Variants in MROH7 observed in about 807,000 individuals in gnomAD.
MROH7 encodes maestro heat like repeat family member 7, also known as maestro heat-like repeat-containing protein family member 7.
Under a neutral mutation model 129.2 loss-of-function variants are expected in MROH7, and 113 were observed. The observed-to-expected ratio is 0.87, with a 90% confidence interval of 0.75 to 1.02. The LOEUF (loss-of-function observed/expected upper bound fraction) is 1.02, where lower values mean the gene tolerates loss of function less well. MROH7 is among the 50% of genes least tolerant of loss of function. The probability of loss-of-function intolerance (pLI) is 0.00; values close to 1 mark genes in which losing one functional copy is unlikely to be tolerated. For missense variants in MROH7, 1,601 were observed against 1,671.3 expected, an observed-to-expected ratio of 0.96 and a Z score of 0.73; for synonymous variants, 655 against 667.9, an observed-to-expected ratio of 0.98 and a Z score of 0.30.
At chr1:54,695,086 C>G (rs1376450201) in intron 16 of MROH7, among the ~76,000 whole-genome samples, 1 of 152,224 alleles carries the variant, frequency 6.6e-6, no homozygotes, top group African/African-American at 2.4e-5. Context: ...CTCTCTGCTG[C>G]CTGACGTGGT....
At chr1:54,694,001 C>A (rs1645280948) in intron 16 of MROH7, among the ~76,000 whole-genome samples, 1 of 152,194 alleles carries the variant, frequency 6.6e-6, no homozygotes, top group African/African-American at 2.4e-5. Flanking sequence ...CCTGCCTCAG[C>A]CTCCAGAGTA....
chr1:54,690,702 C>G (rs1370309323), intron 15 of MROH7, among the ~76,000 whole-genome samples: 2 of 152,200 alleles, frequency 1.3e-5, no homozygotes, highest in Non-Finnish European at 2.9e-5. Flanking sequence ...CTCGGCCACC[C>G]AAAGTGCTGG....
chr1:54,662,838 T>C (rs1644752433), intron 3 of MROH7, among the ~76,000 whole-genome samples: 1 of 152,216 alleles, frequency 6.6e-6, no homozygotes, highest in Non-Finnish European at 1.5e-5. Flanking sequence ...GTCCTCAGCC[T>C]TTCTTTGACT....
At chr1:54,660,516 A>T (rs1277834603) in intron 3 of MROH7, among the ~76,000 whole-genome samples, 2 of 152,150 alleles carry the variant, frequency 1.3e-5, no homozygotes, top group African/African-American at 2.4e-5. Flanking sequence ...GTTATCAGTT[A>T]AAAAAATTGT....
At chr1:54,692,603 AAG>A (rs1357266559) in intron 16 of MROH7, 42 bp downstream of exon 16, 1 of 1,593,772 alleles carries the variant, frequency 6.3e-7, no homozygotes, top group African/African-American at 1.3e-5. Flanking sequence ...GGGAGGGAGA[AAG>A]AGGGGGACCT....
intron 3 of MROH7, among the ~76,000 whole-genome samples, chr1:54,656,289 A>G (rs1009655615): frequency 2.0e-5 from 3 of 150,314 alleles, no homozygotes; most frequent in Non-Finnish European, 4.4e-5. Context: ...TGGTGGGCAG[A>G]TCACCTGAGG....
chr1:54,693,747 C>T (rs1351006824), intron 16 of MROH7, among the ~76,000 whole-genome samples: 3 of 152,278 alleles, frequency 2.0e-5, no homozygotes, highest in Non-Finnish European at 2.9e-5. Flanking sequence ...CTGAGTGCCC[C>T]GGGTGGTGCT....
chr1:54,649,128 C>T (rs1164167945), intron 1 of MROH7, among the ~76,000 whole-genome samples: 1 of 152,138 alleles, frequency 6.6e-6, no homozygotes, highest in East Asian at 1.9e-4. Flanking sequence ...CATCTGATAA[C>T]AGTGTGTTCT....
intron 18 of MROH7, 34 bp from the exon 19 acceptor site, chr1:54,701,109 A>G (rs1462033775): frequency 6.2e-7 from 1 of 1,609,198 alleles, no homozygotes; most frequent in African/African-American, 1.3e-5. Context: ...TAGCTCAGAT[A>G]GGAGCCCTCA....
intron 15 of MROH7, among the ~76,000 whole-genome samples, chr1:54,689,763 A>G (rs1416650462): frequency 6.6e-6 from 1 of 152,168 alleles, no homozygotes; most frequent in Non-Finnish European, 1.5e-5. Context: ...TAACCCCAGC[A>G]CTCTGGGAGG....
At chr1:54,680,739 C>T (rs1645056491) in intron 13 of MROH7, among the ~76,000 whole-genome samples, 3 of 152,216 alleles carry the variant, frequency 2.0e-5, no homozygotes, top group African/African-American at 7.2e-5. Flanking sequence ...ATGAGTAAAA[C>T]AAGGCAGTGA....
intron 1 of MROH7, among the ~76,000 whole-genome samples, chr1:54,646,888 C>T (rs565337153): frequency 2.0e-5 from 3 of 152,290 alleles, no homozygotes; most frequent in African/African-American, 7.2e-5. Context: ...TAAAGGGAGT[C>T]GTATAATATG....
At position 54,690,536 on chromosome 1, in the gene MROH7, C is replaced by T. The variant is rs985507053; in HGVS notation, c.2712-1888C>T. Among the ~76,000 whole-genome samples, 36 of 150,608 alleles carry T rather than the reference C, an allele frequency of 2.4e-4. 2 individuals carry two copies. Among genetic ancestry groups the T allele is most frequent in the Admixed American group, 1.9e-3 (29 of 14,894 alleles). The stretch of plus-strand genomic sequence containing the variant: ...TCAGCTCACTGCAAACTCCGCCTCC[C>T]GGGTTCACGCCATTCTCCTGCCTCA... On this transcript the variant is annotated intron_variant, in intron 15 of 23. Transcript: ENST00000421030.
At chr1:54,677,762 C>T (rs979060501) in intron 10 of MROH7, among the ~76,000 whole-genome samples, 1 of 152,178 alleles carries the variant, frequency 6.6e-6, no homozygotes, top group Non-Finnish European at 1.5e-5. Flanking sequence ...GAAATGTGCT[C>T]CCTTCAGCTG....
At chr1:54,648,440 ACTGCAACCT>A (rs1305598833) in intron 1 of MROH7, among the ~76,000 whole-genome samples, 1 of 151,820 alleles carries the variant, frequency 6.6e-6, no homozygotes, top group South Asian at 2.1e-4. Context: ...ATCTCGGCTC[ACTGCAACCT>A]CTGCCTCCCA....
rs767795784 is a variant in MROH7, at chr1:54,700,399, G to A, written c.3043G>A (p.Asp1015Asn). Residue 1015 changes from aspartate (D) to asparagine (N), a missense_variant, in exon 18 of 24, where the codon GAC (aspartate) becomes AAC (asparagine). Physicochemically the swap from Asp to Asn is conservative, Grantham distance 23 (BLOSUM62 1). Transcript: ENST00000421030. ...GATGGCAGAAGGCCTGAGCCACCAC[G>A]ACCCCATCATGAAGGTGCTGTCCAT... ...GRMAEGLSHHDPIMKVLSIRG... is the reference protein window; with the variant it reads ...GRMAEGLSHHNPIMKVLSIRG... The A allele has an allele frequency of 8.1e-6, 13 of 1,613,702 alleles. No homozygotes were observed. The East Asian group carries it at 8.9e-5, about 11-fold the overall frequency.
At chr1:54,660,352 G>A (rs1276132517) in intron 3 of MROH7, among the ~76,000 whole-genome samples, 1 of 152,170 alleles carries the variant, frequency 6.6e-6, no homozygotes, top group Non-Finnish European at 1.5e-5. Context: ...ACCTCCTAAA[G>A]TCTCTGCCTC....
At position 54,670,822 on chromosome 1, in the gene MROH7, A is replaced by T; in HGVS notation, c.1492A>T (p.Met498Leu). 1 of 1,614,100 alleles carries T rather than the reference A, an allele frequency of 6.2e-7. No homozygotes were observed. Among genetic ancestry groups the T allele is most frequent in the Non-Finnish European group, 8.5e-7 (1 of 1,179,992 alleles). ...QLSHTQPTLG[M>L]RERSELVNVC... ...CAGCCACACCCAGCCCACCCTGGGC[A>T]TGCGGGAGAGGTCGGAGCTGGTGAA... The change falls in exon 7 of 24, where the codon ATG (methionine) becomes TTG (leucine). Residue 498 changes from methionine to leucine, a missense_variant. Met to Leu is a conservative substitution (Grantham distance 15). Coordinates refer to ENST00000421030, the MANE Select transcript of MROH7 (RefSeq NM_001039464.4).
intron 4 of MROH7, chr1:54,665,477 CA>C (rs1361517033): frequency 9.0e-6 from 4 of 444,762 alleles, no homozygotes; most frequent in African/African-American, 7.9e-5. Context: ...CTGTTATTCA[CA>C]GCTATAACTT....
Sources: allele counts gnomAD v4.1 joint callset (sites outside exome capture counted in the v4.1 genomes callset), GRCh38; gene constraint gnomAD v4.1.1; transcripts MANE v1.5; gene names NCBI Gene and HGNC (gene_info 2026-07-23, HGNC 2026-07-21).